The following STIL variants were observed in gnomAD, a reference collection of about 807,000 sequenced individuals.
STIL encodes the protein STIL centriolar assembly protein, also known as SCL-interrupting locus protein.
A neutral mutation model predicts 110.1 loss-of-function variants in STIL; 55 were observed. The ratio of observed to expected loss-of-function variants is 0.50; its 90% confidence interval spans 0.40 to 0.63. The LOEUF (loss-of-function observed/expected upper bound fraction) is 0.63. Ranked by LOEUF, STIL falls within the 20% of genes least tolerant of loss-of-function variation. The pLI is 0.00. For missense variants in STIL, 1,358 were observed against 1,530.0 expected, an observed-to-expected ratio of 0.89 and a Z score of 1.87; for synonymous variants, 481 against 530.0, an observed-to-expected ratio of 0.91 and a Z score of 1.27.
chr1:47,272,755 C>T (rs550666515), intron 12 of STIL, among the ~76,000 whole-genome samples: 1 of 152,202 alleles, frequency 6.6e-6, no homozygotes, highest in South Asian at 2.1e-4. Flanking sequence ...GCTTAGTATT[C>T]GTAAGTTGAT....
At chr1:47,307,148 T>A (rs1052917532) in intron 2 of STIL, among the ~76,000 whole-genome samples, 7 of 151,968 alleles carry the variant, frequency 4.6e-5, no homozygotes, top group African/African-American at 1.7e-4. Context: ...CAAAACTCCA[T>A]CTCAAAAAAC....
chr1:47,286,083 C>T (rs1233162507), intron 10 of STIL, among the ~76,000 whole-genome samples: 1 of 151,644 alleles, frequency 6.6e-6, no homozygotes, highest in Non-Finnish European at 1.5e-5. Flanking sequence ...CCATGTTGGC[C>T]AGGCTGGTCT....
intron 8 of STIL, among the ~76,000 whole-genome samples, chr1:47,290,866 T>G (rs1645465772): frequency 6.6e-6 from 1 of 152,136 alleles, no homozygotes; most frequent in Non-Finnish European, 1.5e-5. Context: ...CACTCACCTC[T>G]CTGAGCTCAT....
rs1347925754 is a variant in STIL, at chr1:47,251,417, A to G, written c.3586T>C (p.Leu1196=). Residue 1196 remains leucine, a synonymous_variant, in exon 17 of 17, where the codon TTG becomes CTG. Transcript: ENST00000371877. ...AAAACTTCATTTGTAATATTTCTCA[A>G]TACTGGCGTATCTGCGTTGGTCCCC... is the stretch of plus-strand genomic sequence containing the variant. ...SVGTNADTPV[L]RNITNEVLQT... is the part of the protein sequence containing the mutation. The G allele has an allele frequency of 5.6e-6, 9 of 1,614,062 alleles. No individual in the cohort carries two copies. Among genetic ancestry groups the G allele is most frequent in the Non-Finnish European group, 7.6e-6 (9 of 1,180,038 alleles).
Position 47,250,255 on chromosome 1 carries a change from G to A in STIL, c.*881C>T, listed in dbSNP as rs1434008085. 5.7e-6 allele frequency: 1 copy of A among 174,438 alleles called. No homozygotes were observed. The highest frequency in any genetic ancestry group is 1.2e-5 in the Non-Finnish European group (1 of 80,810). The allele number at this position is 174,438 out of a possible 1,614,324, so 10.8% of individuals were successfully genotyped here. On this transcript the variant is annotated 3_prime_UTR_variant, in exon 17 of 17. Transcript: ENST00000371877. ...TCAATAATTTTCTTATTCTTTGATAGCCAGTGTGACATGTTGAAGATGTTA... is the reference window on the plus strand; with the variant it reads ...TCAATAATTTTCTTATTCTTTGATAACCAGTGTGACATGTTGAAGATGTTA...
At chr1:47,308,525 T>C (rs910642585) in intron 2 of STIL, among the ~76,000 whole-genome samples, 1 of 151,944 alleles carries the variant, frequency 6.6e-6, no homozygotes, top group African/African-American at 2.4e-5. Flanking sequence ...AATACAAACT[T>C]CACGTTTTCG....
chr1:47,309,009 G>A (rs934084549), intron 2 of STIL, among the ~76,000 whole-genome samples: 2 of 150,532 alleles, frequency 1.3e-5, no homozygotes, highest in Non-Finnish European at 2.9e-5. Context: ...CCGAGATGGC[G>A]CCACTGCCCT....
chr1:47,312,989 TTTCCATA>T (rs1451834635), intron 1 of STIL: 5 of 152,194 alleles, frequency 3.3e-5, no homozygotes, highest in African/African-American at 1.2e-4. Flanking sequence ...TAGAAGAGTG[TTTCCATA>T]TAAATCTGAT....
At chr1:47,263,744 G>GTTTTTTTTTTTTTTTTTTTT (rs60915271) in intron 14 of STIL, among the ~76,000 whole-genome samples, 1 of 98,312 alleles carries the variant, frequency 1.0e-5, no homozygotes. Flanking sequence ...TTCATTCCAA[G>GTTTTTTTTTTTTTTTTTTTT]TTTTTTTTTT....
chr1:47,252,928 A>AT (rs536394073), intron 16 of STIL, among the ~76,000 whole-genome samples: 69 of 147,420 alleles, frequency 4.7e-4, no homozygotes, highest in Admixed American at 6.1e-4. Flanking sequence ...ATAGCTGCTA[A>AT]TTTTTTTTTT....
At chr1:47,269,605 G>A (rs199875360) in intron 14 of STIL, 30 bp downstream of exon 14, 6 of 1,600,600 alleles carry the variant, frequency 3.7e-6, no homozygotes, top group Middle Eastern at 1.7e-4. Context: ...TTTGAAAGTA[G>A]GATGAAAGAC....
intron 14 of STIL, among the ~76,000 whole-genome samples, chr1:47,267,659 C>T (rs996486810): frequency 1.8e-5 from 2 of 112,288 alleles, no homozygotes; most frequent in African/African-American, 7.1e-5. Context: ...GGCGACAGAG[C>T]GAGTATCTAA....
rs569873003 is a variant in STIL at position 47,262,232 on chromosome 1, G to A, written c.2829+671C>T. ...GCCCTGTGAAGTATGTTGCCTTCTC[G>A]CAAATGGACAAATCAAATGTTCTAC... On this transcript the variant is annotated intron_variant, in intron 15 of 16. Coordinates refer to ENST00000371877, the MANE Select transcript of STIL (RefSeq NM_001048166.1). 1.1e-4 allele frequency among the ~76,000 whole-genome samples: 16 copies of A among 152,196 alleles called. No individual in the cohort carries two copies. In the East Asian group the frequency reaches 1.9e-3, roughly 18 times the overall value.
At chr1:47,254,510 G>T (rs1644274447) in intron 16 of STIL, among the ~76,000 whole-genome samples, 1 of 149,506 alleles carries the variant, frequency 6.7e-6, no homozygotes, top group East Asian at 1.9e-4. Context: ...AATATTTAAA[G>T]AAAGCAGGTC....
chr1:47,273,233 T>C (rs950558200), intron 12 of STIL, among the ~76,000 whole-genome samples: 7 of 152,348 alleles, frequency 4.6e-5, no homozygotes, highest in Admixed American at 4.6e-4. Flanking sequence ...TACCATGAAA[T>C]TAGCTGCTTT....
chr1:47,270,358 G>A (rs1293140187), intron 13 of STIL, among the ~76,000 whole-genome samples: 1 of 149,704 alleles, frequency 6.7e-6, no homozygotes, highest in Non-Finnish European at 1.5e-5. Flanking sequence ...GTAGGTGGAA[G>A]ACAGAAAGAC....
intron 15 of STIL, among the ~76,000 whole-genome samples, 184 bp downstream of exon 15, chr1:47,262,719 T>C (rs984125371): frequency 1.3e-5 from 2 of 152,222 alleles, no homozygotes; most frequent in African/African-American, 4.8e-5. Context: ...TAAGTATGTT[T>C]ATGGTAAATT....
At chr1:47,263,998 C>A (rs1223145500) in intron 14 of STIL, among the ~76,000 whole-genome samples, 2 of 152,168 alleles carry the variant, frequency 1.3e-5, no homozygotes, top group Non-Finnish European at 2.9e-5. Context: ...GGTGATCTGC[C>A]TGCCTCAGCC....
chr1:47,270,166 A>C (rs1373271558), intron 13 of STIL, among the ~76,000 whole-genome samples: 2 of 149,850 alleles, frequency 1.3e-5, no homozygotes, highest in Admixed American at 6.7e-5. Flanking sequence ...TGAGCCCAGG[A>C]GGTCGATGCT....
Sources: gnomAD v4.1 joint callset for allele counts (sites outside exome capture counted in the v4.1 genomes callset) on GRCh38, gnomAD v4.1.1 for gene constraint, MANE v1.5 for transcripts, NCBI Gene and HGNC (gene_info 2026-07-23, HGNC 2026-07-21) for gene names.